The following USP37 variants were observed in gnomAD, a reference collection of about 807,000 sequenced individuals.
The protein encoded by USP37 is ubiquitin specific peptidase 37, also known as ubiquitin carboxyl-terminal hydrolase 37.
In USP37, 27 loss-of-function variants were observed where a neutral mutation model predicts 124.0. The ratio of observed to expected loss-of-function variants is 0.22; its 90% CI spans 0.16 to 0.30. The LOEUF is 0.30. Ranked by LOEUF, USP37 falls within the 10% of genes least tolerant of loss-of-function variation. The pLI is 1.00. For synonymous variants in USP37, 365 were observed against 388.0 expected (o/e 0.94, Z 0.70); for missense variants, 889 against 1,140.4 (o/e 0.78, Z 3.17).
intron 10 of USP37, among the ~76,000 whole-genome samples, chr2:218,511,391 C>T (rs964939761): frequency 3.3e-5 from 5 of 152,178 alleles, no homozygotes; most frequent in Non-Finnish European, 7.3e-5. Flanking sequence ...TCACTGCAAC[C>T]TCCGCCTCCC....
chr2:218,541,928 T>A (rs1472039518), intron 8 of USP37, among the ~76,000 whole-genome samples: 2 of 152,176 alleles, frequency 1.3e-5, no homozygotes, highest in African/African-American at 2.4e-5. Flanking sequence ...CCAGTCAGCA[T>A]CTGCAGTTCT....
At chr2:218,482,036 G>A in intron 17 of USP37, 34 bp downstream of exon 17, 1 of 1,539,312 alleles carries the variant, frequency 6.5e-7, no homozygotes, top group Non-Finnish European at 8.8e-7. Flanking sequence ...TATTTCAAAA[G>A]GGAATATAAA....
intron 4 of USP37, among the ~76,000 whole-genome samples, chr2:218,557,433 T>G (rs1313594001): frequency 6.6e-6 from 1 of 151,936 alleles, no homozygotes; most frequent in African/African-American, 2.4e-5. Flanking sequence ...TGTGACAAAC[T>G]ACTATTTTTC....
chr2:218,453,253 T>G lies in USP37; in HGVS notation c.*1677A>C, dbSNP rs1689538818. The G allele has an allele frequency of 1.3e-5, 2 of 151,924 alleles. No homozygotes were observed. Among genetic ancestry groups the G allele is most frequent in the East Asian group, 3.9e-4 (2 of 5,184 alleles). 9.4% of individuals were successfully genotyped at this position (151,924 alleles called of 1,614,324 possible). A position where few individuals can be genotyped will look rare whatever the true frequency, so the allele number is the denominator to read the frequency against. ...CTTCTGTGATGATGGTTTGTGTTTT[T>G]TTTGTTTTTGTTTTCGTTTTTTTTA... On this transcript the variant is annotated 3_prime_UTR_variant, in exon 26 of 26. Transcript: ENST00000258399.
chr2:218,545,959 G>T (rs1203936322), intron 8 of USP37, among the ~76,000 whole-genome samples: 1 of 152,182 alleles, frequency 6.6e-6, no homozygotes, highest in Non-Finnish European at 1.5e-5. Context: ...GAGTTCTTCA[G>T]TTCTATTCTC....
chr2:218,493,534 A>C (rs1267778555), intron 14 of USP37, among the ~76,000 whole-genome samples: 2 of 151,392 alleles, frequency 1.3e-5, no homozygotes, highest in Non-Finnish European at 2.9e-5. Flanking sequence ...GCAATGGCAT[A>C]ATCTCAGCTT....
chr2:218,475,430 C>CTTTA (rs1690916043), intron 19 of USP37, among the ~76,000 whole-genome samples: 1 of 152,182 alleles, frequency 6.6e-6, no homozygotes, highest in South Asian at 2.1e-4. Context: ...GAAAACCCGT[C>CTTTA]TTTACTAAAA....
chr2:218,469,873 T>C (rs918481899), intron 20 of USP37, among the ~76,000 whole-genome samples: 5 of 134,064 alleles, frequency 3.7e-5, no homozygotes, highest in Admixed American at 9.0e-5. Context: ...CAGGCTGGAG[T>C]GCAGTGGCAC....
intron 11 of USP37, among the ~76,000 whole-genome samples, chr2:218,502,859 T>C (rs746614228): frequency 5.3e-5 from 8 of 152,064 alleles, no homozygotes; most frequent in Non-Finnish European, 1.0e-4. Flanking sequence ...TTTTCAAATA[T>C]CCAAGCTAGA....
At chr2:218,505,905 C>T (rs1689654633) in intron 11 of USP37, among the ~76,000 whole-genome samples, 1 of 151,952 alleles carries the variant, frequency 6.6e-6, no homozygotes, top group Non-Finnish European at 1.5e-5. Flanking sequence ...CTCTCTGTCA[C>T]CCAGGCTGGA....
At chr2:218,520,516 A>C (rs1213415543) in intron 10 of USP37, among the ~76,000 whole-genome samples, 1 of 151,336 alleles carries the variant, frequency 6.6e-6, no homozygotes, top group Non-Finnish European at 1.5e-5. Context: ...CGCCCAGCTA[A>C]TTTTTTTGTA....
chr2:218,465,073 T>C (rs2106410392), intron 21 of USP37, among the ~76,000 whole-genome samples: 1 of 152,286 alleles, frequency 6.6e-6, no homozygotes, highest in African/African-American at 2.4e-5. Flanking sequence ...AGCAAGACCC[T>C]ATCTCAATAA....
At chr2:218,521,418 T>A (rs1309841520) in intron 10 of USP37, among the ~76,000 whole-genome samples, 1 of 152,170 alleles carries the variant, frequency 6.6e-6, no homozygotes, top group Non-Finnish European at 1.5e-5. Flanking sequence ...ATTTGCTGCA[T>A]CTATCAACCC....
At chr2:218,473,651 TA>T (rs1212403977) in intron 20 of USP37, among the ~76,000 whole-genome samples, 1 of 152,142 alleles carries the variant, frequency 6.6e-6, no homozygotes, top group Non-Finnish European at 1.5e-5. Context: ...GAAAAGATAG[TA>T]AAAGTTATCT....
In USP37 at chr2:218,480,377, C is replaced by A. The variant is rs545249891; in HGVS notation, c.1836-662G>T. Reference sequence around the variant, plus strand: ...ATGCGCCACTGCACTCCAGCCTGGGCGACAGAGCGAGACTCCGTCTCAAAA... The same window carrying A: ...ATGCGCCACTGCACTCCAGCCTGGGAGACAGAGCGAGACTCCGTCTCAAAA... On this transcript the variant is annotated intron_variant, in intron 17 of 25. Transcript: ENST00000258399. 2.5e-5 allele frequency among the ~76,000 whole-genome samples: 3 copies of A among 119,234 alleles called. No individual in the cohort carries two copies. In the East Asian group the frequency reaches 7.3e-4, roughly 29 times the overall value. The allele number at this position is 119,234 out of a possible 152,430, so 78.2% of individuals were successfully genotyped here. A position where few individuals can be genotyped will look rare whatever the true frequency, so the allele number is the denominator to read the frequency against.
Position 218,560,836 on chromosome 2 carries a change from G to C in USP37, c.-41C>G, listed in dbSNP as rs1235578454. 2 of 152,126 alleles carry C rather than the reference G, an allele frequency of 1.3e-5. No individual in the cohort carries two copies. The highest frequency in any genetic ancestry group is 2.9e-5 in the Non-Finnish European group (2 of 68,032). The allele number at this position is 152,126 out of a possible 1,614,324, so 9.4% of individuals were successfully genotyped here. A position where few individuals can be genotyped will look rare whatever the true frequency, so the allele number is the denominator to read the frequency against. ...AAAACTCACCTACAGGCAGGATACA[G>C]TTTGGGGGCCCCTAGTTGGAGGTCT... On this transcript the variant is annotated 5_prime_UTR_variant, in exon 3 of 26. Coordinates refer to ENST00000258399, the MANE Select transcript of USP37 (RefSeq NM_020935.3).
At chr2:218,513,637 A>G (rs776671123) in intron 10 of USP37, among the ~76,000 whole-genome samples, 2 of 152,204 alleles carry the variant, frequency 1.3e-5, no homozygotes, top group Non-Finnish European at 2.9e-5. Context: ...CTAAAATTTC[A>G]TATAAATGGA....
At chr2:218,465,466 C>T (rs72965126) in intron 21 of USP37, among the ~76,000 whole-genome samples, 45,616 of 151,974 alleles carry the variant, frequency 0.3, 7,907 homozygotes, top group Non-Finnish European at 0.39. Context: ...TAAATTTGGA[C>T]TAGGAATAAT....
intron 16 of USP37, among the ~76,000 whole-genome samples, chr2:218,484,864 G>T (rs1226427272): frequency 1.3e-5 from 2 of 152,122 alleles, no homozygotes; most frequent in African/African-American, 4.8e-5. Context: ...TTCTTGGAAA[G>T]AACTAAAAGC....
Sources: gnomAD v4.1 joint callset for allele counts (sites outside exome capture counted in the v4.1 genomes callset) on GRCh38, gnomAD v4.1.1 for gene constraint, MANE v1.5 for transcripts, NCBI Gene and HGNC (gene_info 2026-07-23, HGNC 2026-07-21) for gene names.